SYNGR4: variants seen among roughly 807,000 people sequenced by gnomAD.
SYNGR4 encodes synaptogyrin-4.
SYNGR4 carries 15 observed loss-of-function variants against 15.5 expected under a neutral mutation model. The observed-to-expected ratio is 0.97, with a 90% CI of 0.65 to 1.49. The LOEUF (loss-of-function observed/expected upper bound fraction) is 1.49. SYNGR4 is among the 40% of genes most tolerant of loss of function. The pLI is 0.00. For synonymous variants in SYNGR4, 121 were observed against 127.4 expected (o/e 0.95, Z 0.34); for missense variants, 292 against 299.3 (o/e 0.98, Z 0.18).
chr19:48,370,127 A>G (rs1970282421), intron 2 of SYNGR4, among the ~76,000 whole-genome samples: 4 of 149,924 alleles, frequency 2.7e-5, no homozygotes. Context: ...AGTCAAGACA[A>G]GCCAAAGCCA....
At position 48,367,146 on chromosome 19, in the gene SYNGR4, A is replaced by AAG. The variant is rs1388570208; in HGVS notation, c.93+1211_93+1212insAG. 4.3e-3 allele frequency among the ~76,000 whole-genome samples: 646 copies of AAG among 151,010 alleles called. 6 individuals carry two copies. The highest frequency in any genetic ancestry group is 0.015 in the African/African-American group (616 of 40,980). ...CTCTGTCTCAAAAAAAAAAAAAAAA[A>AAG]TTGTGGCTGGGCACGGTGGCTCACA... On this transcript the variant is annotated intron_variant, in intron 2 of 4. Coordinates refer to ENST00000344846, the MANE Select transcript of SYNGR4 (RefSeq NM_012451.4).
chr19:48,368,524 C>T (rs1443633607), intron 2 of SYNGR4, among the ~76,000 whole-genome samples: 4 of 152,050 alleles, frequency 2.6e-5, no homozygotes, highest in African/African-American at 7.2e-5. Context: ...GGATTACCAG[C>T]GTGCACCACC....
chr19:48,372,416 C>T (rs965368153), intron 2 of SYNGR4, among the ~76,000 whole-genome samples: 7 of 152,000 alleles, frequency 4.6e-5, no homozygotes, highest in African/African-American at 1.7e-4. Context: ...GAGGCCAAGG[C>T]AGGCGGATCA....
intron 2 of SYNGR4, among the ~76,000 whole-genome samples, chr19:48,370,768 G>A (rs1171717579): frequency 6.6e-6 from 1 of 151,514 alleles, no homozygotes; most frequent in African/African-American, 2.4e-5. Flanking sequence ...GCCTACCCCC[G>A]CCATCCCCAA....
At chr19:48,375,391 C>G (rs1238818893) in intron 3 of SYNGR4, among the ~76,000 whole-genome samples, 1 of 152,156 alleles carries the variant, frequency 6.6e-6, no homozygotes, top group Admixed American at 6.5e-5. Flanking sequence ...CTGTATTAGA[C>G]AGCGCAACTC....
At chr19:48,365,308 C>G (rs1294539122) in intron 1 of SYNGR4, among the ~76,000 whole-genome samples, 3 of 124,766 alleles carry the variant, frequency 2.4e-5, no homozygotes, top group Non-Finnish European at 4.9e-5. Context: ...ATGTCCCCCA[C>G]TTCAGGGACC....
At chr19:48,375,871 T>C (rs972342745) in intron 4 of SYNGR4, 119 bp downstream of exon 4, 89 of 1,524,614 alleles carry the variant, frequency 5.8e-5, no homozygotes, top group Non-Finnish European at 7.2e-5. Context: ...GGTCGGGGGT[T>C]CCCCCAGGAC....
chr19:48,373,976 G>A (rs1395588605), intron 3 of SYNGR4, among the ~76,000 whole-genome samples: 1 of 152,026 alleles, frequency 6.6e-6, no homozygotes, highest in African/African-American at 2.4e-5. Flanking sequence ...TCAGACCCTG[G>A]GTAAGGGTCA....
chr19:48,372,607 C>T (rs1460798279), intron 2 of SYNGR4, among the ~76,000 whole-genome samples: 3 of 151,508 alleles, frequency 2.0e-5, no homozygotes, highest in South Asian at 2.1e-4. Flanking sequence ...GCCGAGATGG[C>T]GCCACTGCAC....
chr19:48,375,825 C>T (rs956359848), intron 4 of SYNGR4, 73 bp downstream of exon 4: 59 of 1,566,832 alleles, frequency 3.8e-5, no homozygotes, highest in Admixed American at 3.0e-4. Flanking sequence ...AGGGCTAGAA[C>T]ATTCCTGCTC....
chr19:48,368,184 T>C (rs1970248727), intron 2 of SYNGR4, among the ~76,000 whole-genome samples: 1 of 152,194 alleles, frequency 6.6e-6, no homozygotes, highest in Non-Finnish European at 1.5e-5. Context: ...GTTTGATGGC[T>C]TGCCTGGTCA....
intron 2 of SYNGR4, among the ~76,000 whole-genome samples, chr19:48,368,120 G>A (rs1026286402): frequency 1.3e-5 from 2 of 152,202 alleles, no homozygotes; most frequent in African/African-American, 4.8e-5. Flanking sequence ...ACCTGGGCCA[G>A]GCCTGATGTC....
chr19:48,365,644 A>AC, intron 1 of SYNGR4, 92 bp from the exon 2 acceptor site: 8 of 37,800 alleles, frequency 2.1e-4, no homozygotes, highest in South Asian at 9.4e-4. Flanking sequence ...GACCCCCCCC[A>AC]TCCCCACCCC....
intron 3 of SYNGR4, among the ~76,000 whole-genome samples, chr19:48,375,069 A>G (rs1260861590): frequency 2.2e-5 from 3 of 136,544 alleles, no homozygotes; most frequent in African/African-American, 8.3e-5. Flanking sequence ...TCTGTCGCCC[A>G]GGCTGGAGTG....
chr19:48,374,993 A>G (rs111630392), intron 3 of SYNGR4, among the ~76,000 whole-genome samples: 1 of 151,656 alleles, frequency 6.6e-6, no homozygotes, highest in Non-Finnish European at 1.5e-5. Flanking sequence ...ACAACAACAA[A>G]AAAAGAAATG....
At chr19:48,373,211 G>A in intron 2 of SYNGR4, 1 of 374,730 alleles carries the variant, frequency 2.7e-6, no homozygotes, top group Non-Finnish European at 5.1e-6. Context: ...GCAGGGAGGG[G>A]CAGGGTGTGG....
intron 2 of SYNGR4, among the ~76,000 whole-genome samples, chr19:48,370,289 C>T (rs539642662): frequency 6.6e-6 from 1 of 152,116 alleles, no homozygotes; most frequent in South Asian, 2.1e-4. Context: ...AGTTTGAGAC[C>T]CACCTGTGCA....
intron 2 of SYNGR4, among the ~76,000 whole-genome samples, chr19:48,367,350 G>A (rs369340371): frequency 5.0e-4 from 76 of 151,734 alleles, no homozygotes; most frequent in African/African-American, 1.8e-3. Flanking sequence ...GGAGAATGGC[G>A]TGAACCCGGG....
intron 2 of SYNGR4, among the ~76,000 whole-genome samples, chr19:48,368,045 C>G (rs1320323780): frequency 6.6e-6 from 1 of 152,222 alleles, no homozygotes; most frequent in African/African-American, 2.4e-5. Context: ...GGAGAAGGAA[C>G]AAACAGGCCT....
Sources: gnomAD v4.1 joint callset for allele counts (sites outside exome capture counted in the v4.1 genomes callset) on GRCh38, gnomAD v4.1.1 for gene constraint, MANE v1.5 for transcripts, NCBI Gene and HGNC (gene_info 2026-07-23, HGNC 2026-07-21) for gene names.